Variants in NLRP4 observed in about 807,000 individuals in gnomAD.
The protein encoded by NLRP4 is NACHT, LRR and PYD domains-containing protein 4.
In NLRP4, 44 loss-of-function variants were observed where a neutral mutation model predicts 84.7. The observed-to-expected ratio is 0.52, with a 90% CI of 0.41 to 0.67. NLRP4 has a LOEUF of 0.67. Among genes scored for constraint, NLRP4 ranks in the 30% least tolerant of loss-of-function variants. The probability of loss-of-function intolerance (pLI) is 0.00; values close to 1 mark genes in which losing one functional copy is unlikely to be tolerated. For missense variants in NLRP4, 1,260 were observed against 1,219.4 expected, an observed-to-expected ratio of 1.03 and a Z score of -0.50; for synonymous variants, 544 against 476.4, an observed-to-expected ratio of 1.14 and a Z score of -1.85.
intron 1 of NLRP4, among the ~76,000 whole-genome samples, chr19:55,850,025 ATTTCCGAGACTG>A: frequency 6.9e-6 from 1 of 144,742 alleles, no homozygotes; most frequent in Admixed American, 6.9e-5. Flanking sequence ...CTGCGGTGTG[ATTTCCGAGACTG>A]CGGTGTGATT....
At chr19:55,843,010 C>T (rs536106316) in intron 1 of NLRP4, among the ~76,000 whole-genome samples, 22 of 152,296 alleles carry the variant, frequency 1.4e-4, no homozygotes, top group African/African-American at 3.6e-4. Context: ...CCGCCCACCT[C>T]GGCCTCCCAA....
rs1983305310 is a variant in NLRP4 at position 55,836,557 on chromosome 19, G to A, written c.-443G>A. 6.6e-6 allele frequency: 1 copy of A among 152,358 alleles called. No individual in the cohort carries two copies. The highest frequency in any genetic ancestry group is 1.5e-5 in the Non-Finnish European group (1 of 68,058). 9.4% of individuals were successfully genotyped at this position (152,358 alleles called of 1,614,324 possible). A position where few individuals can be genotyped will look rare whatever the true frequency, so the allele number is the denominator to read the frequency against. On this transcript the variant is annotated 5_prime_UTR_variant, in exon 1 of 10. Coordinates refer to ENST00000301295, the MANE Select transcript of NLRP4 (RefSeq NM_134444.5). ...CAATCATTAAGGACCAGGAAGGCGT[G>A]GAGCGGTGAGTCAGCGCTTCGTGCT...
intron 5 of NLRP4, among the ~76,000 whole-genome samples, chr19:55,866,271 T>C (rs1438964220): frequency 6.6e-6 from 1 of 152,122 alleles, no homozygotes; most frequent in Non-Finnish European, 1.5e-5. Context: ...TGACCTCATG[T>C]TCCGCCCTCC....
intron 7 of NLRP4, among the ~76,000 whole-genome samples, chr19:55,872,954 C>A (rs182657984): frequency 2.5e-4 from 38 of 152,178 alleles, no homozygotes; most frequent in Admixed American, 7.2e-4. Context: ...AGGAGACAGA[C>A]TTGGGTGAAG....
At chr19:55,851,552 G>A (rs1363925722) in intron 1 of NLRP4, among the ~76,000 whole-genome samples, 1 of 85,358 alleles carries the variant, frequency 1.2e-5, no homozygotes, top group Non-Finnish European at 2.1e-5. Flanking sequence ...TGTAATGTCC[G>A]TGGCTGCGGT....
chr19:55,850,660 G>C (rs572393469), intron 1 of NLRP4, among the ~76,000 whole-genome samples: 7 of 130,812 alleles, frequency 5.4e-5, no homozygotes, highest in African/African-American at 2.5e-4. Context: ...CGAGGCTGCG[G>C]TGTAATGTCC....
intron 1 of NLRP4, among the ~76,000 whole-genome samples, chr19:55,842,370 G>A (rs1197703775): frequency 2.6e-5 from 4 of 151,900 alleles, no homozygotes; most frequent in Admixed American, 2.6e-4. Flanking sequence ...TATTTTTTAG[G>A]TTAGTTTGTC....
intron 5 of NLRP4, among the ~76,000 whole-genome samples, chr19:55,864,773 C>T (rs1281375604): frequency 1.3e-5 from 2 of 151,874 alleles, no homozygotes; most frequent in Non-Finnish European, 2.9e-5. Context: ...TTTTATTATA[C>T]CCATCCTAGT....
chr19:55,879,702 T>A (rs919809917), intron 9 of NLRP4, among the ~76,000 whole-genome samples: 9 of 152,170 alleles, frequency 5.9e-5, no homozygotes, highest in East Asian at 1.9e-4. Flanking sequence ...GCAGCTCAGT[T>A]TTTCAGGATG....
chr19:55,858,888 T>C lies in NLRP4; in HGVS notation c.1495T>C (p.Leu499=), dbSNP rs1422410951. 1 of 1,614,030 alleles carries C rather than the reference T, an allele frequency of 6.2e-7. No individual in the cohort carries two copies. Among genetic ancestry groups the C allele is most frequent in the Non-Finnish European group, 8.5e-7 (1 of 1,180,036 alleles). ...EKARRAHWIF[L]GCFLTGLLNK... The stretch of plus-strand genomic sequence containing the variant: ...AGCAAGGAGAGCACATTGGATTTTT[T>C]TGGGGTGTTTTCTAACTGGCCTTTT... Residue 499 remains leucine, a synonymous_variant, in exon 3 of 10, where the codon TTG becomes CTG. Coordinates refer to ENST00000301295, the MANE Select transcript of NLRP4 (RefSeq NM_134444.5). The surrounding 1 kb of genome is among the most constrained non-coding windows in gnomAD (Gnocchi z 4.2).
At chr19:55,850,990 C>T (rs1323105220) in intron 1 of NLRP4, among the ~76,000 whole-genome samples, 4 of 121,876 alleles carry the variant, frequency 3.3e-5, no homozygotes, top group African/African-American at 1.3e-4. Flanking sequence ...GTGTAATTTA[C>T]GAGGCTGCGG....
intron 7 of NLRP4, among the ~76,000 whole-genome samples, chr19:55,875,616 C>A (rs1303661553): frequency 3.9e-5 from 6 of 152,106 alleles, no homozygotes; most frequent in Non-Finnish European, 8.8e-5. Flanking sequence ...CATTTGCTTT[C>A]ATGAAATCCC....
intron 1 of NLRP4, among the ~76,000 whole-genome samples, chr19:55,843,529 A>G (rs929938135): frequency 4.0e-5 from 6 of 151,892 alleles, no homozygotes; most frequent in Non-Finnish European, 8.8e-5. Context: ...TGTCTCTACT[A>G]AAAATACAAA....
intron 1 of NLRP4, among the ~76,000 whole-genome samples, chr19:55,849,962 GTAATTTCC>G (rs1402288268): frequency 4.1e-5 from 6 of 147,456 alleles, no homozygotes; most frequent in African/African-American, 1.6e-4. Flanking sequence ...AGACTGCGGT[GTAATTTCC>G]GTAGCTGCGG....
At chr19:55,849,474 C>T (rs1334202933) in intron 1 of NLRP4, among the ~76,000 whole-genome samples, 2 of 152,146 alleles carry the variant, frequency 1.3e-5, no homozygotes, top group Non-Finnish European at 2.9e-5. Flanking sequence ...GCTGGAAGTT[C>T]AAATCAAGGT....
intron 9 of NLRP4, among the ~76,000 whole-genome samples, chr19:55,880,654 G>C (rs1015538648): frequency 6.6e-6 from 1 of 152,130 alleles, no homozygotes; most frequent in African/African-American, 2.4e-5. Context: ...ACAGTTGCAC[G>C]CAAACAGATG....
chr19:55,876,823 T>C (rs868537800), intron 7 of NLRP4, among the ~76,000 whole-genome samples, 173 bp from the exon 8 acceptor site: 2 of 152,210 alleles, frequency 1.3e-5, no homozygotes, highest in Admixed American at 1.3e-4. Flanking sequence ...TTATGTGTTA[T>C]TGTTTTAATT....
intron 8 of NLRP4, among the ~76,000 whole-genome samples, chr19:55,877,681 A>G (rs1002544867): frequency 6.6e-6 from 1 of 152,250 alleles, no homozygotes; most frequent in East Asian, 1.9e-4. Flanking sequence ...TCTGAAGGCC[A>G]TGAGGGAGAA....
In NLRP4 at chr19:55,848,435, C is replaced by T. The variant is rs961138901; in HGVS notation, c.-65-3581C>T. On this transcript the variant is annotated intron_variant, in intron 1 of 9. Transcript: ENST00000301295. ...TATACTATACATTGAGATGGAGTCT[C>T]GCTCTGTCGCCAGGCTAGAGTGCAG... 7.3e-5 allele frequency among the ~76,000 whole-genome samples: 11 copies of T among 151,138 alleles called. No individual in the cohort carries two copies. In the East Asian group the frequency reaches 1.5e-3, roughly 21 times the overall value.
Sources: allele counts gnomAD v4.1 joint callset (sites outside exome capture counted in the v4.1 genomes callset), GRCh38; gene constraint gnomAD v4.1.1; non-coding constraint Gnocchi (gnomAD v3.1); transcripts MANE v1.5; gene names NCBI Gene and HGNC (gene_info 2026-07-23, HGNC 2026-07-21).